Variants in FRMD4B observed in about 807,000 individuals in gnomAD.
FRMD4B encodes FERM domain containing 4B, also known as FERM domain-containing protein 4B.
Under a neutral mutation model 141.5 loss-of-function variants are expected in FRMD4B, and 74 were observed. The observed-to-expected ratio is 0.52, with a 90% confidence interval of 0.43 to 0.63. The LOEUF is 0.63. FRMD4B is among the 30% of genes least tolerant of loss of function. The pLI, the probability that FRMD4B is intolerant of heterozygous loss-of-function variation, is 0.00. For missense variants in FRMD4B, 1,366 were observed against 1,253.4 expected (o/e 1.09, Z -1.36); for synonymous variants, 506 against 467.9 (o/e 1.08, Z -1.05).
At chr3:69,398,545 G>C (rs1042310392) in intron 2 of FRMD4B, among the ~76,000 whole-genome samples, 1 of 152,126 alleles carries the variant, frequency 6.6e-6, no homozygotes, top group African/African-American at 2.4e-5. Flanking sequence ...TTTCTAATTG[G>C]AAATGCACAT....
intron 11 of FRMD4B, among the ~76,000 whole-genome samples, chr3:69,212,380 A>AAAAAAAAAAAAAAAC (rs1559721543): frequency 1.3e-5 from 1 of 76,688 alleles, no homozygotes; most frequent in Non-Finnish European, 2.5e-5. Flanking sequence ...AAAAAAAAAA[A>AAAAAAAAAAAAAAAC]GAAAAAAAAA....
chr3:69,462,063 G>A (rs1373322982), intron 1 of FRMD4B, among the ~76,000 whole-genome samples: 2 of 152,176 alleles, frequency 1.3e-5, no homozygotes, highest in African/African-American at 2.4e-5. Context: ...AAAAGCAGAT[G>A]CTGAGACAAG....
At chr3:69,207,404 CT>C (rs2093033835) in intron 11 of FRMD4B, among the ~76,000 whole-genome samples, 2 of 151,748 alleles carry the variant, frequency 1.3e-5, no homozygotes, top group Admixed American at 6.6e-5. Context: ...GTACTAATTG[CT>C]TTTCTCTGCA....
At chr3:69,414,689 GA>G (rs1294028936) in intron 2 of FRMD4B, among the ~76,000 whole-genome samples, 1 of 152,170 alleles carries the variant, frequency 6.6e-6, no homozygotes, top group Non-Finnish European at 1.5e-5. Flanking sequence ...ACTATCATGA[GA>G]GCTGCATGAG....
intron 1 of FRMD4B, chr3:69,472,122 G>T: frequency 4.6e-6 from 1 of 218,488 alleles, no homozygotes. Flanking sequence ...TTAAAGTTGG[G>T]AATTTCTTTT....
At chr3:69,301,016 G>T (rs192795587) in intron 4 of FRMD4B, among the ~76,000 whole-genome samples, 1 of 151,982 alleles carries the variant, frequency 6.6e-6, no homozygotes, top group African/African-American at 2.4e-5. Flanking sequence ...GATTACAGGC[G>T]TGAGCCACCG....
chr3:69,313,453 T>C lies in FRMD4B; in HGVS notation c.227A>G (p.Gln76Arg), dbSNP rs1358829348. The C allele has an allele frequency of 3.2e-6, 5 of 1,567,292 alleles. No homozygotes were observed. The highest frequency in any genetic ancestry group is 4.3e-6 in the Non-Finnish European group (5 of 1,154,746). ...AACACACATGTGGGCCACACCTACC[T>C]GAACCAGCAGCTCCAGTCTCCTATC... ...LDDRRLELLV[Q>R]PKLLARELLD... is the part of the protein sequence containing the mutation. The change falls in exon 2 of 23, where the codon CAG (glutamine) becomes CGG (arginine). Residue 76 changes from glutamine (Q) to arginine (R), a missense_variant and splice_region_variant. Transcript: ENST00000398540.
chr3:69,449,310 G>T (rs933104693), intron 1 of FRMD4B, among the ~76,000 whole-genome samples: 2 of 152,188 alleles, frequency 1.3e-5, no homozygotes, highest in Non-Finnish European at 2.9e-5. Context: ...ATGAAGACGT[G>T]CATGATGACA....
chr3:69,191,196 A>G (rs1408533864), intron 17 of FRMD4B, among the ~76,000 whole-genome samples: 3 of 152,178 alleles, frequency 2.0e-5, no homozygotes, highest in African/African-American at 7.2e-5. Context: ...AGGTTGGTGT[A>G]TCACTTGAGG....
intron 1 of FRMD4B, among the ~76,000 whole-genome samples, chr3:69,321,566 A>T (rs940643378): frequency 3.3e-5 from 5 of 152,124 alleles, no homozygotes; most frequent in Non-Finnish European, 7.4e-5. Flanking sequence ...ACTGTCTAAG[A>T]GCTTTATTGC....
upstream of FRMD4B, among the ~76,000 whole-genome samples, chr3:69,390,798 C>T (rs989429980): frequency 4.6e-5 from 7 of 152,190 alleles, no homozygotes; most frequent in Admixed American, 6.5e-5. Flanking sequence ...GAGGCTGAGG[C>T]GGAAGGACTG....
At chr3:69,527,207 T>C (rs1575601266) in intron 1 of FRMD4B, among the ~76,000 whole-genome samples, 1 of 151,966 alleles carries the variant, frequency 6.6e-6, no homozygotes, top group African/African-American at 2.4e-5. Flanking sequence ...TAAAAATAGA[T>C]GAAAATGCAG....
chr3:69,311,678 T>C (rs1701594073), intron 2 of FRMD4B, among the ~76,000 whole-genome samples: 1 of 152,202 alleles, frequency 6.6e-6, no homozygotes, highest in Non-Finnish European at 1.5e-5. Context: ...AACGTGGTGC[T>C]AATGCCCAAG....
chr3:69,456,304 GAA>G (rs1705612812), intron 1 of FRMD4B, among the ~76,000 whole-genome samples: 1 of 152,170 alleles, frequency 6.6e-6, no homozygotes, highest in South Asian at 2.1e-4. Context: ...AAGTTTTCGA[GAA>G]AGCAGTTTGA....
intron 4 of FRMD4B, among the ~76,000 whole-genome samples, chr3:69,291,708 TG>T (rs1355745077): frequency 7.9e-5 from 12 of 152,188 alleles, no homozygotes; most frequent in South Asian, 4.1e-4. Context: ...AACAGCACTC[TG>T]ATGAAATTGT....
At chr3:69,519,481 C>T (rs1230173937) in intron 1 of FRMD4B, among the ~76,000 whole-genome samples, 1 of 152,128 alleles carries the variant, frequency 6.6e-6, no homozygotes, top group Non-Finnish European at 1.5e-5. Context: ...AGCAGTCATC[C>T]TCTTACTTCT....
intron 1 of FRMD4B, among the ~76,000 whole-genome samples, chr3:69,330,340 CTTTT>C (rs34238889): frequency 0.012 from 531 of 42,862 alleles, 1 homozygote; most frequent in African/African-American, 0.061. Flanking sequence ...ATTCTTTTGC[CTTTT>C]TTTTTTTTTT....
intron 2 of FRMD4B, among the ~76,000 whole-genome samples, chr3:69,429,465 A>C (rs1239475053): frequency 6.6e-6 from 1 of 152,200 alleles, no homozygotes; most frequent in African/African-American, 2.4e-5. Flanking sequence ...GGTGACGAGC[A>C]TGGTTATTTA....
At chr3:69,335,914 G>T (rs949294358) in intron 1 of FRMD4B, among the ~76,000 whole-genome samples, 4 of 151,784 alleles carry the variant, frequency 2.6e-5, no homozygotes, top group Non-Finnish European at 5.9e-5. Flanking sequence ...GTAGAGACAC[G>T]CTTTCACCAT....
Sources: allele counts gnomAD v4.1 joint callset (sites outside exome capture counted in the v4.1 genomes callset), GRCh38; gene constraint gnomAD v4.1.1; transcripts MANE v1.5; gene names NCBI Gene and HGNC (gene_info 2026-07-23, HGNC 2026-07-21).